Variants in LRRFIP1 observed in about 807,000 individuals in gnomAD.
LRRFIP1 encodes LRR binding FLII interacting protein 1, also known as leucine-rich repeat flightless-interacting protein 1.
LRRFIP1 carries 62 observed loss-of-function variants against 104.4 expected under a neutral mutation model. The observed-to-expected ratio is 0.59, with a 90% CI of 0.48 to 0.73. The LOEUF (loss-of-function observed/expected upper bound fraction) is 0.73, where lower values mean the gene tolerates loss of function less well. Ranked by LOEUF, LRRFIP1 falls within the 30% of genes least tolerant of loss-of-function variation. The pLI is 0.00. For missense variants in LRRFIP1, 796 were observed against 824.5 expected (o/e 0.97, Z 0.42); for synonymous variants, 300 against 299.0 (o/e 1.00, Z -0.03).
intron 1 of LRRFIP1, among the ~76,000 whole-genome samples, chr2:237,629,894 T>G (rs1182684928): frequency 6.6e-6 from 1 of 152,178 alleles, no homozygotes; most frequent in East Asian, 1.9e-4. Context: ...GATAGACTTG[T>G]GAGTCAGAGC....
intron 19 of LRRFIP1, chr2:237,769,471 C>A (rs921524967): frequency 6.2e-6 from 1 of 160,098 alleles, no homozygotes; most frequent in Non-Finnish European, 1.4e-5. Context: ...TAAACAGATA[C>A]TCATGGCACT....
Position 237,727,153 on chromosome 2 carries a change from C to T in LRRFIP1, c.385-723C>T, listed in dbSNP as rs543114773. On this transcript the variant is annotated intron_variant, in intron 7 of 23. Coordinates refer to ENST00000308482, the MANE Select transcript of LRRFIP1 (RefSeq NM_001137550.2). Reference sequence around the variant, plus strand: ...CGGGCGGATCACGAGGTCAGGAGTTCGAGACCAGCCTGACCAACATGATGA... The same window carrying T: ...CGGGCGGATCACGAGGTCAGGAGTTTGAGACCAGCCTGACCAACATGATGA... 4.8e-4 allele frequency among the ~76,000 whole-genome samples: 73 copies of T among 152,030 alleles called. 2 individuals are homozygous for T. The highest frequency in any genetic ancestry group is 1.7e-3 in the African/African-American group (70 of 41,488).
At chr2:237,773,022 G>A (rs763841595) in intron 22 of LRRFIP1, 77 bp downstream of exon 22, 165 of 1,273,156 alleles carry the variant, frequency 1.3e-4, no homozygotes, top group Non-Finnish European at 1.7e-4. Context: ...GAAAGGCTGA[G>A]GACCAGAAAA....
chr2:237,659,459 G>A (rs1426120493), intron 1 of LRRFIP1, among the ~76,000 whole-genome samples: 2 of 151,748 alleles, frequency 1.3e-5, no homozygotes, highest in African/African-American at 2.4e-5. Flanking sequence ...AATACACTAA[G>A]TTAATGCTTC....
chr2:237,665,081 T>C (rs565069694), intron 1 of LRRFIP1, among the ~76,000 whole-genome samples: 1 of 152,258 alleles, frequency 6.6e-6, no homozygotes, highest in African/African-American at 2.4e-5. Context: ...TACTTATTCA[T>C]GAAAGCATTT....
rs1273370521 is a variant in LRRFIP1 at position 237,766,537 on chromosome 2, C to T, written c.1460-3406C>T. On this transcript the variant is annotated intron_variant, in intron 19 of 23. Transcript: ENST00000308482. The surrounding 1 kb of genome is among the most constrained non-coding windows in gnomAD (Gnocchi z 4.8). The stretch of plus-strand genomic sequence containing the variant: ...CTTTCTCATGTTATTCACCAGCACC[C>T]TGCAGGACGTTGGGCACACATCACA... 6.6e-6 allele frequency among the ~76,000 whole-genome samples: 1 copy of T among 152,156 alleles called. No homozygotes were observed. Among genetic ancestry groups the T allele is most frequent in the East Asian group, 1.9e-4 (1 of 5,186 alleles).
chr2:237,664,081 A>G (rs2088673560), intron 1 of LRRFIP1, among the ~76,000 whole-genome samples: 1 of 151,528 alleles, frequency 6.6e-6, no homozygotes, highest in Non-Finnish European at 1.5e-5. Context: ...TCCATGCTGC[A>G]GAGAGACCCA....
chr2:237,764,143 T>C, intron 19 of LRRFIP1: 2 of 1,614,120 alleles, frequency 1.2e-6, no homozygotes, highest in Admixed American at 1.7e-5. Context: ...TGTCCTAAGC[T>C]GAGGCAGGCG....
At chr2:237,750,746 G>A (rs2058524541) in intron 13 of LRRFIP1, among the ~76,000 whole-genome samples, 2 of 152,258 alleles carry the variant, frequency 1.3e-5, no homozygotes, top group Non-Finnish European at 1.5e-5. Flanking sequence ...TGAGAGGCTG[G>A]CTGGTGCCAG....
Position 237,691,882 on chromosome 2 carries a change from G to C in LRRFIP1, c.97-16662G>C, listed in dbSNP as rs1025809152. ...CCCGGGAGGGGCGGGGCAGGACCAGGAAGATCCTTCCGAGACGGAGCGCGG... is the reference window on the plus strand; with the variant it reads ...CCCGGGAGGGGCGGGGCAGGACCAGCAAGATCCTTCCGAGACGGAGCGCGG... On this transcript the variant is annotated intron_variant, in intron 1 of 23. Transcript: ENST00000308482. The surrounding 1 kb of genome is among the most constrained non-coding windows in gnomAD (Gnocchi z 5.4). Among the ~76,000 whole-genome samples, 2 of 150,220 alleles carry C rather than the reference G, an allele frequency of 1.3e-5. No homozygotes were observed. The highest frequency in any genetic ancestry group is 4.9e-5 in the African/African-American group (2 of 41,148).
chr2:237,740,730 C>CT (rs1324116600), intron 11 of LRRFIP1, among the ~76,000 whole-genome samples: 3 of 152,182 alleles, frequency 2.0e-5, no homozygotes, highest in Non-Finnish European at 4.4e-5. Context: ...GTATCAGCTT[C>CT]TTTGGGGGAA....
At chr2:237,667,094 G>A (rs1331550697) in intron 1 of LRRFIP1, among the ~76,000 whole-genome samples, 1 of 151,926 alleles carries the variant, frequency 6.6e-6, no homozygotes, top group Non-Finnish European at 1.5e-5. Context: ...ACGTGCCACG[G>A]TGGTTTGCTG....
chr2:237,692,594 A>G, intron 1 of LRRFIP1: 1 of 1,418,222 alleles, frequency 7.1e-7, no homozygotes. Flanking sequence ...GCTCGTTCCG[A>G]GGTCAATGGC....
chr2:237,753,483 A>G lies in LRRFIP1; in HGVS notation c.1038+4A>G, dbSNP rs765586359. On this transcript the variant is annotated splice_donor_region_variant and intron_variant, in intron 15 of 23. Coordinates refer to ENST00000308482, the MANE Select transcript of LRRFIP1 (RefSeq NM_001137550.2). ...GCAGTACGAAGAGAAAAACAAAGTAAGCATTAGTATGATACAGAATGTTAA... is the reference window on the plus strand; with the variant it reads ...GCAGTACGAAGAGAAAAACAAAGTAGGCATTAGTATGATACAGAATGTTAA... 1.9e-6 allele frequency: 3 copies of G among 1,583,846 alleles called. No individual in the cohort carries two copies. The East Asian group carries it at 6.8e-5, about 36-fold the overall frequency.
At position 237,765,435 on chromosome 2, in the gene LRRFIP1, TAAAAAAAAAAAA is replaced by T. The variant is rs60482580; in HGVS notation, c.1460-4494_1460-4483del. 1.2e-4 allele frequency: 53 copies of T among 453,638 alleles called. 1 individual carries two copies. In the African/African-American group the frequency reaches 1.7e-3, roughly 14 times the overall value. 28.1% of individuals were successfully genotyped at this position (453,638 alleles called of 1,614,324 possible). On this transcript the variant is annotated intron_variant, in intron 19 of 23. Transcript: ENST00000308482. ...GGGAGACAGAGTGAGACACTGTCTC[TAAAAAAAAAAAA>T]AAAAAAAAAAAAAGTTTTTGAACCT... is the stretch of plus-strand genomic sequence containing the variant.
At chr2:237,695,284 C>T (rs1175540811) in intron 1 of LRRFIP1, among the ~76,000 whole-genome samples, 1 of 152,160 alleles carries the variant, frequency 6.6e-6, no homozygotes, top group Non-Finnish European at 1.5e-5. Flanking sequence ...CGGAAGCCTC[C>T]TTAGCAAATT....
intron 1 of LRRFIP1, among the ~76,000 whole-genome samples, chr2:237,644,208 G>A (rs1202566862): frequency 6.6e-6 from 1 of 152,258 alleles, no homozygotes; most frequent in Non-Finnish European, 1.5e-5. Context: ...ATTGCACACT[G>A]CCGGCGCGAT....
intron 3 of LRRFIP1, among the ~76,000 whole-genome samples, chr2:237,716,933 C>T (rs913048938): frequency 6.6e-6 from 1 of 152,170 alleles, no homozygotes; most frequent in Non-Finnish European, 1.5e-5. Flanking sequence ...GTCCAACCTG[C>T]GGGCCACATG....
At chr2:237,754,013 G>A (rs772388317) in intron 15 of LRRFIP1, among the ~76,000 whole-genome samples, 50 of 152,008 alleles carry the variant, frequency 3.3e-4, no homozygotes, top group Non-Finnish European at 1.2e-4. Flanking sequence ...ATATTGATAC[G>A]TATAATTTCA....
Sources: allele counts gnomAD v4.1 joint callset (sites outside exome capture counted in the v4.1 genomes callset), GRCh38; gene constraint gnomAD v4.1.1; non-coding constraint Gnocchi (gnomAD v3.1); transcripts MANE v1.5; gene names NCBI Gene and HGNC (gene_info 2026-07-23, HGNC 2026-07-21).